KCNT2: variants seen among roughly 807,000 people sequenced by gnomAD.
KCNT2 encodes potassium channel subfamily T member 2.
In KCNT2, 67 loss-of-function variants were observed where a neutral mutation model predicts 153.8. That is an observed-to-expected ratio of 0.44 (90% confidence interval 0.36 to 0.53). The LOEUF is 0.53. Ranked by LOEUF, KCNT2 falls within the 20% of genes least tolerant of loss-of-function variation. The probability of loss-of-function intolerance (pLI) is 0.00; values close to 1 mark genes in which losing one functional copy is unlikely to be tolerated. For synonymous variants in KCNT2, 500 were observed against 458.8 expected (o/e 1.09, Z -1.15); for missense variants, 975 against 1,354.8 (o/e 0.72, Z 4.40).
At chr1:196,564,615 T>G (rs539008450) in intron 1 of KCNT2, among the ~76,000 whole-genome samples, 134 of 151,918 alleles carry the variant, frequency 8.8e-4, no homozygotes, top group Non-Finnish European at 1.7e-3. Context: ...AAAGCTATAG[T>G]AATCAAAACA....
intron 20 of KCNT2, among the ~76,000 whole-genome samples, chr1:196,317,660 A>G (rs1662859204): frequency 6.6e-6 from 1 of 151,696 alleles, no homozygotes; most frequent in African/African-American, 2.4e-5. Flanking sequence ...GAGTGACTGG[A>G]TAAGTATATA....
rs1041679996 is a variant in KCNT2, at chr1:196,274,381, G to T, written c.2910+6479C>A. On this transcript the variant is annotated intron_variant, in intron 25 of 27. Transcript: ENST00000294725. The stretch of plus-strand genomic sequence containing the variant: ...GTATTATCTATAACTGAAAATATAA[G>T]AAATGCATAATAAACATTTGATTGT... 2.6e-5 allele frequency among the ~76,000 whole-genome samples: 4 copies of T among 151,630 alleles called. No individual in the cohort carries two copies. The South Asian group carries it at 8.3e-4, about 31-fold the overall frequency.
At chr1:196,576,703 C>A (rs1661422863) in intron 1 of KCNT2, among the ~76,000 whole-genome samples, 1 of 151,964 alleles carries the variant, frequency 6.6e-6, no homozygotes, top group South Asian at 2.1e-4. Context: ...ATAATAGTAT[C>A]TCTGGCTGTA....
At chr1:196,244,444 T>C (rs1390493826) in intron 26 of KCNT2, among the ~76,000 whole-genome samples, 1 of 152,224 alleles carries the variant, frequency 6.6e-6, no homozygotes, top group East Asian at 1.9e-4. Context: ...TTTCTGGACC[T>C]TCCCTGGGCC....
At chr1:196,568,414 A>T (rs1660363734) in intron 1 of KCNT2, among the ~76,000 whole-genome samples, 1 of 151,966 alleles carries the variant, frequency 6.6e-6, no homozygotes, top group South Asian at 2.1e-4. Flanking sequence ...TAACACGGTG[A>T]AACCCCGTCT....
chr1:196,463,595 A>G (rs1677345470), intron 8 of KCNT2, among the ~76,000 whole-genome samples: 1 of 151,732 alleles, frequency 6.6e-6, no homozygotes, highest in South Asian at 2.1e-4. Flanking sequence ...ATTTAAAACT[A>G]AAACACACAC....
At chr1:196,372,957 T>C (rs968645357) in intron 14 of KCNT2, among the ~76,000 whole-genome samples, 183 bp downstream of exon 14, 1 of 151,968 alleles carries the variant, frequency 6.6e-6, no homozygotes, top group Non-Finnish European at 1.5e-5. Flanking sequence ...ACTCACTTTT[T>C]GTATGTCTTG....
intron 1 of KCNT2, among the ~76,000 whole-genome samples, chr1:196,524,343 A>T (rs1653890444): frequency 6.6e-6 from 1 of 151,620 alleles, no homozygotes; most frequent in Non-Finnish European, 1.5e-5. Context: ...GAAGGGTACA[A>T]AGGTCCACGG....
At chr1:196,497,236 T>C (rs1486307251) in intron 1 of KCNT2, among the ~76,000 whole-genome samples, 2 of 152,132 alleles carry the variant, frequency 1.3e-5, no homozygotes, top group Non-Finnish European at 2.9e-5. Flanking sequence ...GTACTAAACA[T>C]GTACAGACTT....
chr1:196,587,800 G>T (rs1383773542), intron 1 of KCNT2, among the ~76,000 whole-genome samples: 3 of 152,000 alleles, frequency 2.0e-5, no homozygotes, highest in African/African-American at 7.2e-5. Flanking sequence ...ACTACGCAAT[G>T]GCATGGGTAG....
At chr1:196,505,030 A>G (rs1681017129) in intron 1 of KCNT2, among the ~76,000 whole-genome samples, 1 of 151,580 alleles carries the variant, frequency 6.6e-6, no homozygotes, top group Non-Finnish European at 1.5e-5. Flanking sequence ...CCCATTTTGT[A>G]GGTTGCCTGT....
chr1:196,347,739 A>G (rs1666262348), intron 14 of KCNT2, among the ~76,000 whole-genome samples: 1 of 152,252 alleles, frequency 6.6e-6, no homozygotes, highest in East Asian at 1.9e-4. Context: ...TCTTATGCAC[A>G]TCAGCCATTA....
In KCNT2 at chr1:196,608,279, G is replaced by T. The variant is rs1432879941; in HGVS notation, c.31C>A (p.Leu11Met). Residue 11 changes from leucine (L) to methionine (M), a missense_variant, in exon 1 of 28, where the codon CTG becomes ATG. By Grantham distance (15) the Leu-to-Met change is conservative. This residue lies in a region of KCNT2 where 140 missense variants were observed against 216.0 expected (regional missense o/e 0.65). Coordinates refer to ENST00000294725, the MANE Select transcript of KCNT2 (RefSeq NM_198503.5). Reference protein sequence around the residue: MVDLESEVPPLPPRYRFRDLL... With the variant: MVDLESEVPPMPPRYRFRDLL... Reference sequence around the variant, plus strand: ...TCTCGAAACCTGTACCTGGGAGGCAGAGGGGGCACTTCGCTCTCCAAATCA... The same window carrying T: ...TCTCGAAACCTGTACCTGGGAGGCATAGGGGGCACTTCGCTCTCCAAATCA... The T allele has an allele frequency of 6.2e-7, 1 of 1,614,180 alleles. No homozygotes were observed. Among genetic ancestry groups the T allele is most frequent in the Non-Finnish European group, 8.5e-7 (1 of 1,180,018 alleles).
intron 1 of KCNT2, among the ~76,000 whole-genome samples, chr1:196,507,677 C>T (rs1681259711): frequency 6.6e-6 from 1 of 152,076 alleles, no homozygotes; most frequent in Non-Finnish European, 1.5e-5. Flanking sequence ...GACATGTTCT[C>T]ATGTTATATT....
intron 1 of KCNT2, among the ~76,000 whole-genome samples, chr1:196,551,552 C>T (rs1657905530): frequency 6.6e-6 from 1 of 151,566 alleles, no homozygotes; most frequent in Admixed American, 6.6e-5. Flanking sequence ...ATGTGAATAT[C>T]CTTAGATGCT....
intron 18 of KCNT2, among the ~76,000 whole-genome samples, chr1:196,330,554 C>A (rs183278205): frequency 6.6e-6 from 1 of 151,938 alleles, no homozygotes; most frequent in East Asian, 1.9e-4. Flanking sequence ...TTTTGTTATT[C>A]TTCAAGAGAA....
In KCNT2 at chr1:196,348,084, T is replaced by A. The variant is rs527373719; in HGVS notation, c.1404-5856A>T. On this transcript the variant is annotated intron_variant, in intron 14 of 27. Coordinates refer to ENST00000294725, the MANE Select transcript of KCNT2 (RefSeq NM_198503.5). ...AAATGAACAAAGAATAATCTAACAA[T>A]GTTCTTCATGCTCAATTACTAAATG... Among the ~76,000 whole-genome samples, 153 of 152,234 alleles carry A rather than the reference T, an allele frequency of 1.0e-3. 1 individual carries two copies. Among genetic ancestry groups the A allele is most frequent in the Admixed American group, 4.0e-3 (61 of 15,260 alleles).
chr1:196,398,988 GTAAT>G (rs890515436), intron 12 of KCNT2, among the ~76,000 whole-genome samples: 2 of 151,482 alleles, frequency 1.3e-5, no homozygotes, highest in Non-Finnish European at 3.0e-5. Context: ...CTAATAGTTT[GTAAT>G]AGGAATTTCC....
intron 8 of KCNT2, among the ~76,000 whole-genome samples, chr1:196,439,045 C>T (rs1223862902): frequency 2.6e-5 from 4 of 151,736 alleles, no homozygotes; most frequent in South Asian, 2.1e-4. Flanking sequence ...AGATAAATCT[C>T]GCCATTCACA....
Sources: gnomAD v4.1 joint callset for allele counts (sites outside exome capture counted in the v4.1 genomes callset) on GRCh38, gnomAD v4.1.1 for gene constraint, gnomAD v4.1.1 regional missense constraint, MANE v1.5 for transcripts, NCBI Gene and HGNC (gene_info 2026-07-23, HGNC 2026-07-21) for gene names.